Variants in B3GLCT observed in about 807,000 individuals in gnomAD.
The protein encoded by B3GLCT is beta 3-glucosyltransferase, also known as beta-1,3-glucosyltransferase.
In B3GLCT, 65 loss-of-function variants were observed where a neutral mutation model predicts 63.4. The observed-to-expected ratio is 1.03, with a 90% CI of 0.84 to 1.26. B3GLCT has a LOEUF of 1.26. Ranked by LOEUF, B3GLCT falls within the 50% of genes most tolerant of loss-of-function variation. The probability of loss-of-function intolerance (pLI) is 0.00; values close to 1 mark genes in which losing one functional copy is unlikely to be tolerated. For missense variants in B3GLCT, 577 were observed against 604.8 expected, an observed-to-expected ratio of 0.95 and a Z score of 0.48; for synonymous variants, 233 against 219.2, an observed-to-expected ratio of 1.06 and a Z score of -0.55.
At chr13:31,260,017 A>T (rs1036175104) in intron 6 of B3GLCT, among the ~76,000 whole-genome samples, 1 of 152,108 alleles carries the variant, frequency 6.6e-6, no homozygotes, top group African/African-American at 2.4e-5. Context: ...CTTTCGTTAC[A>T]CTTAGAATAA....
At chr13:31,316,366 T>A in intron 12 of B3GLCT, among the ~76,000 whole-genome samples, 1 of 140,922 alleles carries the variant, frequency 7.1e-6, no homozygotes, top group African/African-American at 2.6e-5. Context: ...CATCAGCATG[T>A]CCTGGATGTG....
At chr13:31,253,959 C>T (rs983360081) in intron 6 of B3GLCT, among the ~76,000 whole-genome samples, 1 of 152,154 alleles carries the variant, frequency 6.6e-6, no homozygotes, top group African/African-American at 2.4e-5. Flanking sequence ...TTCCTGGACA[C>T]ATGCAAGACT....
chr13:31,323,436 T>G (rs190997804), intron 13 of B3GLCT, among the ~76,000 whole-genome samples: 1 of 152,372 alleles, frequency 6.6e-6, no homozygotes, highest in East Asian at 1.9e-4. Flanking sequence ...ATTGTTTCCT[T>G]CGGCCCTTTC....
intron 10 of B3GLCT, among the ~76,000 whole-genome samples, chr13:31,281,179 C>T (rs1873050775): frequency 6.6e-6 from 1 of 152,044 alleles, no homozygotes. Context: ...CTGCAGTCTC[C>T]CTCTAATTAA....
At chr13:31,261,917 C>G (rs1376691422) in intron 7 of B3GLCT, among the ~76,000 whole-genome samples, 1 of 152,180 alleles carries the variant, frequency 6.6e-6, no homozygotes, top group Admixed American at 6.5e-5. Flanking sequence ...ACCCTCCTTT[C>G]CAGGGTAGAA....
chr13:31,269,647 C>A (rs574283895), intron 8 of B3GLCT, among the ~76,000 whole-genome samples: 4 of 149,958 alleles, frequency 2.7e-5, no homozygotes, highest in African/African-American at 7.4e-5. Flanking sequence ...GTCCCCGCCC[C>A]CCTAATTCAT....
chr13:31,317,051 A>G (rs1001484196), intron 12 of B3GLCT, among the ~76,000 whole-genome samples: 1 of 152,228 alleles, frequency 6.6e-6, no homozygotes, highest in African/African-American at 2.4e-5. Context: ...GATTTCTAGG[A>G]TAGCCTCACT....
intron 4 of B3GLCT, among the ~76,000 whole-genome samples, chr13:31,244,847 G>A (rs77956755): frequency 1.2e-3 from 176 of 152,144 alleles, no homozygotes; most frequent in African/African-American, 4.2e-3. Context: ...AGATGACTTT[G>A]GCTTAATCAA....
chr13:31,266,848 G>A (rs1263973298), intron 7 of B3GLCT, among the ~76,000 whole-genome samples: 1 of 152,158 alleles, frequency 6.6e-6, no homozygotes, highest in Non-Finnish European at 1.5e-5. Flanking sequence ...TTGGCTCACT[G>A]CAACCTCTAC....
At position 31,229,308 on chromosome 13, in the gene B3GLCT, G is replaced by A; in HGVS notation, c.270+14G>A. The A allele has an allele frequency of 6.9e-7, 1 of 1,457,582 alleles. No homozygotes were observed. The highest frequency in any genetic ancestry group is 9.6e-7 in the Non-Finnish European group (1 of 1,037,134). 90.3% of individuals were successfully genotyped at this position (1,457,582 alleles called of 1,614,324 possible). A position where few individuals can be genotyped will look rare whatever the true frequency, so the allele number is the denominator to read the frequency against. ...GATCTTACACAGGTACGTAGCGATG[G>A]CTGGGGGGTCTGCCAGTTATGTATT... On this transcript the variant is annotated intron_variant, in intron 4 of 14. Coordinates refer to ENST00000343307, the MANE Select transcript of B3GLCT (RefSeq NM_194318.4).
At chr13:31,271,890 G>A (rs1032973048) in intron 8 of B3GLCT, among the ~76,000 whole-genome samples, 1 of 152,134 alleles carries the variant, frequency 6.6e-6, no homozygotes, top group Non-Finnish European at 1.5e-5. Flanking sequence ...ACTTAGAATT[G>A]TTACATCCTC....
chr13:31,258,829 A>G (rs1334821788), intron 6 of B3GLCT, among the ~76,000 whole-genome samples: 1 of 152,092 alleles, frequency 6.6e-6, no homozygotes, highest in Non-Finnish European at 1.5e-5. Flanking sequence ...CAACTTGATG[A>G]CTTTTGTTAG....
At chr13:31,267,454 A>G (rs1872381197) in intron 7 of B3GLCT, among the ~76,000 whole-genome samples, 1 of 152,262 alleles carries the variant, frequency 6.6e-6, no homozygotes, top group Admixed American at 6.5e-5. Flanking sequence ...ACATGCTCCA[A>G]CTGAGCAGAA....
Position 31,329,665 on chromosome 13 carries a change from A to G in B3GLCT, c.1494A>G (p.Leu498=), listed in dbSNP as rs776430248. The G allele has an allele frequency of 6.8e-6, 11 of 1,614,086 alleles. No homozygotes were observed. In the South Asian group the frequency reaches 8.8e-5, roughly 13 times the overall value. ...CACAGAAAGGTTTTCGAGAGGAGTT[A>G]TAAATCAGGGTGACCTGTGCGCCTA... ...QETQKGFREE[L] is the part of the protein sequence containing the mutation. The change falls in exon 15 of 15, where the codon TTA becomes TTG. Residue 498 remains leucine (L), a synonymous_variant. Coordinates refer to ENST00000343307, the MANE Select transcript of B3GLCT (RefSeq NM_194318.4).
At chr13:31,325,724 C>T (rs1353431261) in intron 14 of B3GLCT, among the ~76,000 whole-genome samples, 4 of 152,136 alleles carry the variant, frequency 2.6e-5, no homozygotes, top group Non-Finnish European at 4.4e-5. Flanking sequence ...AGTTTGGTAA[C>T]GATTTGGATA....
chr13:31,278,437 A>G (rs1010527237), intron 10 of B3GLCT, among the ~76,000 whole-genome samples: 1 of 152,180 alleles, frequency 6.6e-6, no homozygotes, highest in Non-Finnish European at 1.5e-5. Flanking sequence ...TTAAAAGCCT[A>G]TTAGGAGCAT....
Position 31,235,147 on chromosome 13 carries a change from G to A in B3GLCT, c.270+5853G>A, listed in dbSNP as rs544723917. Among the ~76,000 whole-genome samples the A allele has an allele frequency of 6.6e-5, 10 of 152,254 alleles. No homozygotes were observed. In the South Asian group the frequency reaches 2.1e-3, roughly 32 times the overall value. On this transcript the variant is annotated intron_variant, in intron 4 of 14. Transcript: ENST00000343307. ...GTGGGAGATGGACCCAGGCTGGAGA[G>A]AATGGCAGGGACGCTTCCAGCTGGG...
intron 12 of B3GLCT, among the ~76,000 whole-genome samples, chr13:31,296,720 A>G (rs1214054876): frequency 1.3e-5 from 2 of 151,698 alleles, no homozygotes; most frequent in African/African-American, 4.8e-5. Flanking sequence ...TTTTATCACC[A>G]TCTGGTTCAT....
At chr13:31,325,462 G>T (rs956391203) in intron 14 of B3GLCT, among the ~76,000 whole-genome samples, 17 of 152,146 alleles carry the variant, frequency 1.1e-4, no homozygotes, top group Non-Finnish European at 2.4e-4. Context: ...TTTTGTAGCA[G>T]CCCTTTTCAT....
Sources: gnomAD v4.1 joint callset for allele counts (sites outside exome capture counted in the v4.1 genomes callset) on GRCh38, gnomAD v4.1.1 for gene constraint, MANE v1.5 for transcripts, NCBI Gene and HGNC (gene_info 2026-07-23, HGNC 2026-07-21) for gene names.